SEMA6D: variants seen among roughly 807,000 people sequenced by gnomAD.
The protein encoded by SEMA6D is semaphorin-6D.
Under a neutral mutation model 106.6 loss-of-function variants are expected in SEMA6D, and 35 were observed. That is an observed-to-expected ratio of 0.33 (90% CI 0.25 to 0.44). The LOEUF is 0.44. Among genes scored for constraint, SEMA6D ranks in the 20% least tolerant of loss-of-function variants. SEMA6D has a pLI of 1.00. For synonymous variants in SEMA6D, 499 were observed against 487.7 expected (o/e 1.02, Z -0.31); for missense variants, 1,185 against 1,345.9 (o/e 0.88, Z 1.87).
intron 4 of SEMA6D, among the ~76,000 whole-genome samples, chr15:47,683,790 T>G (rs2078410851): frequency 6.6e-6 from 1 of 152,220 alleles, no homozygotes; most frequent in Non-Finnish European, 1.5e-5. Context: ...GTCCAGGCAT[T>G]GAGGCCATGG....
chr15:47,738,156 C>G (rs942568446), intron 1 of SEMA6D, among the ~76,000 whole-genome samples: 2 of 152,148 alleles, frequency 1.3e-5, no homozygotes, highest in South Asian at 2.1e-4. Flanking sequence ...CCCCTCAACC[C>G]CTACCCCAAA....
chr15:47,194,681 C>T (rs1321997633), intron 1 of SEMA6D, among the ~76,000 whole-genome samples: 1 of 152,124 alleles, frequency 6.6e-6, no homozygotes, highest in Non-Finnish European at 1.5e-5. Context: ...GATGTCATGA[C>T]ATAAAAACAA....
At chr15:47,294,507 C>T (rs2035727823) in intron 1 of SEMA6D, among the ~76,000 whole-genome samples, 1 of 152,146 alleles carries the variant, frequency 6.6e-6, no homozygotes, top group African/African-American at 2.4e-5. Flanking sequence ...CAGGTCTGAG[C>T]CACGGTGCCC....
chr15:47,556,858 T>G (rs2045930196), intron 3 of SEMA6D, among the ~76,000 whole-genome samples: 1 of 152,018 alleles, frequency 6.6e-6, no homozygotes, highest in African/African-American at 2.4e-5. Context: ...AAAATCAAGT[T>G]TGAAAGTATT....
intron 4 of SEMA6D, among the ~76,000 whole-genome samples, chr15:47,633,449 A>G (rs1179985251): frequency 6.6e-6 from 1 of 152,250 alleles, no homozygotes; most frequent in Admixed American, 6.5e-5. Flanking sequence ...ATAATGTGCA[A>G]TTTCTCCTGG....
At chr15:47,599,339 C>T (rs1000915465) in intron 3 of SEMA6D, among the ~76,000 whole-genome samples, 2 of 152,026 alleles carry the variant, frequency 1.3e-5, no homozygotes, top group Non-Finnish European at 2.9e-5. Context: ...CTGTTTCACC[C>T]CTTGTCTTGT....
At chr15:47,566,823 A>G (rs1052554227) in intron 3 of SEMA6D, among the ~76,000 whole-genome samples, 1 of 152,228 alleles carries the variant, frequency 6.6e-6, no homozygotes, top group Non-Finnish European at 1.5e-5. Flanking sequence ...ATAGTGTTTA[A>G]CACAGGCTAG....
At chr15:47,480,197 T>C (rs2043116249) in intron 3 of SEMA6D, among the ~76,000 whole-genome samples, 1 of 152,082 alleles carries the variant, frequency 6.6e-6, no homozygotes, top group Admixed American at 6.6e-5. Flanking sequence ...CTGTGTTCTT[T>C]TTATTTCTCA....
At chr15:47,726,425 A>G (rs973784879) in intron 1 of SEMA6D, among the ~76,000 whole-genome samples, 7 of 152,214 alleles carry the variant, frequency 4.6e-5, no homozygotes, top group Non-Finnish European at 8.8e-5. Flanking sequence ...CTCATTTTGT[A>G]CAGGAGGAAA....
intron 3 of SEMA6D, among the ~76,000 whole-genome samples, chr15:47,562,085 A>G (rs913051401): frequency 1.3e-5 from 2 of 152,058 alleles, no homozygotes; most frequent in Non-Finnish European, 2.9e-5. Flanking sequence ...TGATATAGTC[A>G]TAAAAACAGA....
intron 1 of SEMA6D, among the ~76,000 whole-genome samples, chr15:47,389,473 T>C (rs571753309): frequency 6.6e-6 from 1 of 152,142 alleles, no homozygotes; most frequent in South Asian, 2.1e-4. Flanking sequence ...ACTTATTCCA[T>C]TTCTAGGAAT....
chr15:47,532,803 A>G (rs899363445), intron 3 of SEMA6D, among the ~76,000 whole-genome samples: 6 of 152,202 alleles, frequency 3.9e-5, no homozygotes, highest in Admixed American at 6.5e-5. Context: ...TGAATATTCC[A>G]TATCTGAGTA....
chr15:47,714,000 C>A (rs2079066091), upstream of SEMA6D, among the ~76,000 whole-genome samples: 1 of 152,130 alleles, frequency 6.6e-6, no homozygotes, highest in African/African-American at 2.4e-5. Context: ...AGGTCAGATG[C>A]TAAACACTTT....
intron 1 of SEMA6D, among the ~76,000 whole-genome samples, chr15:47,362,329 A>C (rs1476116111): frequency 1.3e-5 from 2 of 152,206 alleles, no homozygotes; most frequent in African/African-American, 2.4e-5. Context: ...AATGGCGTGC[A>C]GTATAAATAT....
At chr15:47,488,893 G>A (rs78065592) in intron 3 of SEMA6D, among the ~76,000 whole-genome samples, 5,296 of 152,156 alleles carry the variant, frequency 0.035, 237 homozygotes, top group African/African-American at 0.1. Context: ...ACCCTAAAAC[G>A]GTGAAGAGTA....
At chr15:47,596,934 G>A (rs1014154825) in intron 3 of SEMA6D, among the ~76,000 whole-genome samples, 2 of 151,722 alleles carry the variant, frequency 1.3e-5, no homozygotes, top group East Asian at 1.9e-4. Flanking sequence ...TAAACAAAAG[G>A]CATTACATCA....
chr15:47,764,327 G>T (rs367950857), intron 11 of SEMA6D, 22 bp downstream of exon 11: 40 of 1,606,950 alleles, frequency 2.5e-5, no homozygotes, highest in Non-Finnish European at 3.3e-5. Context: ...AGTAGAAAAG[G>T]GTTTTGTCTT....
intron 2 of SEMA6D, among the ~76,000 whole-genome samples, chr15:47,461,945 G>A (rs575522879): frequency 1.3e-5 from 2 of 152,112 alleles, no homozygotes; most frequent in African/African-American, 4.8e-5. Context: ...GTTTGATCCT[G>A]CCACATGAGT....
chr15:47,713,198 G>A (rs2079051994), upstream of SEMA6D, among the ~76,000 whole-genome samples: 1 of 152,024 alleles, frequency 6.6e-6, no homozygotes, highest in East Asian at 1.9e-4. Context: ...TAAATGCATG[G>A]TGTATTCCCT....
Sources: gnomAD v4.1 joint callset for allele counts (sites outside exome capture counted in the v4.1 genomes callset) on GRCh38, gnomAD v4.1.1 for gene constraint, MANE v1.5 for transcripts, NCBI Gene and HGNC (gene_info 2026-07-23, HGNC 2026-07-21) for gene names.